The following ARPP21 variants were observed in gnomAD, a reference collection of about 807,000 sequenced individuals.
The protein encoded by ARPP21 is cAMP-regulated phosphoprotein 21.
A neutral mutation model predicts 113.2 loss-of-function variants in ARPP21; 69 were observed. The observed-to-expected ratio is 0.61, with a 90% confidence interval of 0.50 to 0.74. The LOEUF (loss-of-function observed/expected upper bound fraction) is 0.74, where lower values mean the gene tolerates loss of function less well. Ranked by LOEUF, ARPP21 falls within the 30% of genes least tolerant of loss-of-function variation. The probability of loss-of-function intolerance (pLI) is 0.00; values close to 1 mark genes in which losing one functional copy is unlikely to be tolerated. For missense variants in ARPP21, 1,070 were observed against 1,037.4 expected (o/e 1.03, Z -0.43); for synonymous variants, 368 against 375.5 (o/e 0.98, Z 0.23).
chr3:35,766,164 A>G (rs1019211344), intron 19 of ARPP21, among the ~76,000 whole-genome samples: 1 of 152,192 alleles, frequency 6.6e-6, no homozygotes, highest in African/African-American at 2.4e-5. Flanking sequence ...CTCACATGCA[A>G]CTAGAGTCAT....
intron 9 of ARPP21, among the ~76,000 whole-genome samples, chr3:35,692,455 T>C (rs1042582179): frequency 6.6e-6 from 1 of 151,666 alleles, no homozygotes; most frequent in Non-Finnish European, 1.5e-5. Flanking sequence ...GATTGCAAAA[T>C]AGAAAAGCAG....
chr3:35,680,885 A>T (rs1353190225), intron 2 of ARPP21: 1 of 151,872 alleles, frequency 6.6e-6, no homozygotes, highest in Non-Finnish European at 1.5e-5. Flanking sequence ...TTGACAGCAC[A>T]TCAGAAGGGG....
chr3:35,791,023 C>A (rs1338612779), intron 19 of ARPP21, among the ~76,000 whole-genome samples: 1 of 152,120 alleles, frequency 6.6e-6, no homozygotes, highest in Non-Finnish European at 1.5e-5. Context: ...GGACACCTTG[C>A]TTCTATCTCA....
intron 19 of ARPP21, among the ~76,000 whole-genome samples, chr3:35,746,904 T>A (rs1441975815): frequency 6.6e-6 from 1 of 152,190 alleles, no homozygotes; most frequent in East Asian, 1.9e-4. Context: ...TACTGTTGAT[T>A]AAATAGGACA....
At chr3:35,670,866 T>C (rs554345167) in intron 1 of ARPP21, among the ~76,000 whole-genome samples, 1 of 152,132 alleles carries the variant, frequency 6.6e-6, no homozygotes, top group Non-Finnish European at 1.5e-5. Flanking sequence ...TAAACAACAG[T>C]TGGAAGATAC....
At chr3:35,717,425 T>C (rs1238520155) in intron 13 of ARPP21, 68 bp downstream of exon 13, 9 of 952,566 alleles carry the variant, frequency 9.4e-6, no homozygotes, top group Non-Finnish European at 1.5e-5. Context: ...TGTTAAATAT[T>C]AGTGTACTCG....
intron 1 of ARPP21, among the ~76,000 whole-genome samples, chr3:35,651,150 A>C (rs1318513822): frequency 3.3e-5 from 5 of 152,156 alleles, no homozygotes; most frequent in Admixed American, 3.3e-4. Context: ...GAGGAATAAA[A>C]GATTTGATCT....
intron 19 of ARPP21, among the ~76,000 whole-genome samples, chr3:35,756,350 G>T (rs1464617121): frequency 3.3e-5 from 5 of 152,096 alleles, no homozygotes; most frequent in African/African-American, 4.8e-5. Context: ...TTCACTAGTT[G>T]GTTCAGTAGT....
intron 1 of ARPP21, among the ~76,000 whole-genome samples, chr3:35,677,029 A>G (rs189091182): frequency 6.6e-6 from 1 of 152,040 alleles, no homozygotes; most frequent in East Asian, 1.9e-4. Context: ...CAATTTCAAT[A>G]AGTAAATCTT....
chr3:35,747,582 A>G (rs2095146830), intron 19 of ARPP21, among the ~76,000 whole-genome samples: 1 of 152,092 alleles, frequency 6.6e-6, no homozygotes, highest in Admixed American at 6.5e-5. Flanking sequence ...GGAATTATTG[A>G]TAGCCCAAGT....
chr3:35,738,806 C>T (rs1349811497), intron 17 of ARPP21, among the ~76,000 whole-genome samples: 1 of 152,182 alleles, frequency 6.6e-6, no homozygotes, highest in Non-Finnish European at 1.5e-5. Flanking sequence ...AATTTTAGAT[C>T]AGGCCAGTGA....
chr3:35,790,233 T>G (rs1037290015), intron 19 of ARPP21, among the ~76,000 whole-genome samples: 1 of 152,226 alleles, frequency 6.6e-6, no homozygotes, highest in Non-Finnish European at 1.5e-5. Context: ...TAAGGCCTTA[T>G]TATATTCACA....
intron 19 of ARPP21, among the ~76,000 whole-genome samples, chr3:35,747,253 G>A (rs889747077): frequency 2.6e-5 from 4 of 151,674 alleles, no homozygotes; most frequent in African/African-American, 4.8e-5. Context: ...ACTTGGGGAG[G>A]CTGAGGCAGG....
At chr3:35,700,219 G>T (rs2085800241) in intron 9 of ARPP21, among the ~76,000 whole-genome samples, 1 of 151,672 alleles carries the variant, frequency 6.6e-6, no homozygotes, top group Admixed American at 6.6e-5. Flanking sequence ...CCTCAGAGAG[G>T]TTAAATATAT....
intron 1 of ARPP21, among the ~76,000 whole-genome samples, chr3:35,677,204 T>C (rs2077723257): frequency 6.6e-6 from 1 of 151,920 alleles, no homozygotes. Flanking sequence ...TGAACTAAAT[T>C]ATTGCCGAAA....
intron 19 of ARPP21, among the ~76,000 whole-genome samples, chr3:35,747,149 G>A (rs909753428): frequency 6.6e-5 from 10 of 152,154 alleles, no homozygotes; most frequent in Non-Finnish European, 1.3e-4. Context: ...TCAGGAGCTC[G>A]AGACCAGCCT....
At chr3:35,677,273 TAC>T (rs10663445) in intron 1 of ARPP21, among the ~76,000 whole-genome samples, 8 of 150,744 alleles carry the variant, frequency 5.3e-5, no homozygotes, top group South Asian at 2.1e-4. Flanking sequence ...ATATGTGTAA[TAC>T]ACACACACAC....
At chr3:35,665,503 T>C (rs554054775) in intron 1 of ARPP21, among the ~76,000 whole-genome samples, 35 of 152,324 alleles carry the variant, frequency 2.3e-4, no homozygotes, top group African/African-American at 8.4e-4. Context: ...TACATCCATG[T>C]ATCTAGTTCT....
chr3:35,674,284 A>C (rs767809735), intron 1 of ARPP21, among the ~76,000 whole-genome samples: 8 of 151,948 alleles, frequency 5.3e-5, no homozygotes, highest in Non-Finnish European at 1.0e-4. Context: ...TGTGTAACTC[A>C]CTGAGATTAA....
Sources: gnomAD v4.1 joint callset for allele counts (sites outside exome capture counted in the v4.1 genomes callset) on GRCh38, gnomAD v4.1.1 for gene constraint, MANE v1.5 for transcripts, NCBI Gene and HGNC (gene_info 2026-07-23, HGNC 2026-07-21) for gene names.